Variants in PKP4 observed in about 807,000 individuals in gnomAD.
The protein encoded by PKP4 is plakophilin-4.
In PKP4, 90 loss-of-function variants were observed where a neutral mutation model predicts 145.1. The observed-to-expected ratio is 0.62, with a 90% CI of 0.52 to 0.74. The LOEUF is 0.74. Among genes scored for constraint, PKP4 ranks in the 30% least tolerant of loss-of-function variants. PKP4 has a pLI of 0.00. For synonymous variants in PKP4, 563 were observed against 577.2 expected (o/e 0.98, Z 0.35); for missense variants, 1,340 against 1,482.7 (o/e 0.90, Z 1.58).
At chr2:158,530,484 G>T (rs917874799) in intron 1 of PKP4, among the ~76,000 whole-genome samples, 3 of 142,966 alleles carry the variant, frequency 2.1e-5, no homozygotes, top group South Asian at 2.3e-4. Flanking sequence ...GTCTCTTTAC[G>T]ATAGAAGTAC....
intron 2 of PKP4, among the ~76,000 whole-genome samples, chr2:158,540,205 G>A (rs1295360660): frequency 6.6e-6 from 1 of 152,132 alleles, no homozygotes; most frequent in Admixed American, 6.6e-5. Context: ...TGTTCTCTTT[G>A]ATTTCATCGG....
intron 4 of PKP4, among the ~76,000 whole-genome samples, chr2:158,618,255 C>A (rs1252399931): frequency 6.6e-6 from 1 of 152,118 alleles, no homozygotes; most frequent in Non-Finnish European, 1.5e-5. Flanking sequence ...TTAAATAAAT[C>A]TTTTATTAAC....
At chr2:158,603,020 T>G in intron 3 of PKP4, 50 bp from the exon 4 acceptor site, 1 of 1,204,798 alleles carries the variant, frequency 8.3e-7, no homozygotes, top group Non-Finnish European at 1.2e-6. Context: ...TAAGCTAAAT[T>G]TTATGACAAA....
intron 4 of PKP4, among the ~76,000 whole-genome samples, chr2:158,615,653 T>C (rs935512433): frequency 5.9e-5 from 9 of 152,212 alleles, no homozygotes; most frequent in African/African-American, 2.2e-4. Flanking sequence ...CCAGGAGATC[T>C]CTTTTAGTTT....
At chr2:158,491,869 C>A (rs1319532764) in intron 1 of PKP4, among the ~76,000 whole-genome samples, 3 of 151,010 alleles carry the variant, frequency 2.0e-5, no homozygotes, top group Admixed American at 2.0e-4. Flanking sequence ...AAGTATGGCT[C>A]ACTGCAGCTT....
At chr2:158,468,155 G>A (rs1690949917) in intron 1 of PKP4, among the ~76,000 whole-genome samples, 1 of 152,164 alleles carries the variant, frequency 6.6e-6, no homozygotes, top group Admixed American at 6.5e-5. Flanking sequence ...TTGCTGCATT[G>A]AATCATAATT....
intron 8 of PKP4, among the ~76,000 whole-genome samples, chr2:158,632,840 A>G (rs1253327360): frequency 6.6e-6 from 1 of 152,220 alleles, no homozygotes; most frequent in Non-Finnish European, 1.5e-5. Flanking sequence ...ATTAATAAAG[A>G]AATATTTCGC....
At chr2:158,587,239 T>C (rs934288319) in intron 3 of PKP4, among the ~76,000 whole-genome samples, 2 of 152,154 alleles carry the variant, frequency 1.3e-5, no homozygotes, top group East Asian at 1.9e-4. Flanking sequence ...CTTTTAAAAA[T>C]TCAGAGGCCC....
chr2:158,533,242 G>A lies in PKP4; in HGVS notation c.58G>A (p.Glu20Lys), dbSNP rs747631648. Residue 20 changes from glutamate (E) to lysine (K), a missense_variant, in exon 2 of 22, where the codon GAA (glutamate) becomes AAA (lysine). Physicochemically the swap from Glu to Lys is moderately conservative, Grantham distance 56. Transcript: ENST00000389759. ...VEEGQPQTRQ[E>K]AASTGPGMEP... is the part of the protein sequence containing the mutation. ...GGAGGGGCAACCACAGACCCGCCAG[G>A]AAGCTGCCTCCACTGGCCCAGGCAT... 2.5e-6 allele frequency: 4 copies of A among 1,613,902 alleles called. No homozygotes were observed. Among genetic ancestry groups the A allele is most frequent in the Non-Finnish European group, 3.4e-6 (4 of 1,180,012 alleles).
intron 2 of PKP4, among the ~76,000 whole-genome samples, chr2:158,536,237 C>T (rs1388501825): frequency 1.3e-5 from 2 of 152,152 alleles, no homozygotes; most frequent in Admixed American, 6.5e-5. Flanking sequence ...ACTTTAAAAA[C>T]TTCATATTGA....
intron 8 of PKP4, 126 bp downstream of exon 8, chr2:158,632,067 G>A: frequency 1.3e-6 from 1 of 753,972 alleles, no homozygotes. Context: ...ATAAGCAGCT[G>A]TGACAGCAGA....
chr2:158,624,819 T>C, intron 6 of PKP4, 59 bp from the exon 7 acceptor site: 2 of 1,338,478 alleles, frequency 1.5e-6, no homozygotes, highest in Non-Finnish European at 1.0e-6. Flanking sequence ...TCTTTTGTAA[T>C]GGCAATGAAC....
At chr2:158,613,322 A>G (rs2051305725) in intron 4 of PKP4, among the ~76,000 whole-genome samples, 1 of 152,226 alleles carries the variant, frequency 6.6e-6, no homozygotes. Flanking sequence ...AAATAATCCT[A>G]GCTATTATGT....
At chr2:158,672,661 G>GTTCCATAGTCCAA (rs2057666006) in intron 17 of PKP4, among the ~76,000 whole-genome samples, 1 of 152,196 alleles carries the variant, frequency 6.6e-6, no homozygotes, top group Non-Finnish European at 1.5e-5. Flanking sequence ...GCTATTGCCT[G>GTTCCATAGTCCAA]TTCCATAGTC....
chr2:158,674,697 G>GT (rs2057856734), intron 19 of PKP4, among the ~76,000 whole-genome samples: 1 of 152,178 alleles, frequency 6.6e-6, no homozygotes, highest in African/African-American at 2.4e-5. Flanking sequence ...TTTTTTACAT[G>GT]TAAGGGCAGA....
At chr2:158,462,467 G>A (rs1689920875) in intron 1 of PKP4, among the ~76,000 whole-genome samples, 1 of 151,952 alleles carries the variant, frequency 6.6e-6, no homozygotes, top group Non-Finnish European at 1.5e-5. Flanking sequence ...CAACAAGGAA[G>A]TTGAATTTCT....
intron 2 of PKP4, among the ~76,000 whole-genome samples, chr2:158,546,835 C>T (rs1381848982): frequency 6.6e-6 from 1 of 152,080 alleles, no homozygotes; most frequent in Non-Finnish European, 1.5e-5. Context: ...ATTGGCTTCA[C>T]AGAGAGGCTA....
At chr2:158,555,883 T>C (rs954077844) in intron 2 of PKP4, among the ~76,000 whole-genome samples, 1 of 152,202 alleles carries the variant, frequency 6.6e-6, no homozygotes, top group Admixed American at 6.5e-5. Flanking sequence ...CAAGTCCAAG[T>C]ATAATCTACT....
intron 1 of PKP4, among the ~76,000 whole-genome samples, chr2:158,464,891 CTG>C (rs1443211233): frequency 1.3e-5 from 2 of 152,198 alleles, no homozygotes; most frequent in Non-Finnish European, 2.9e-5. Flanking sequence ...TGGAGTCCTG[CTG>C]TGTGTGCAGT....
Sources: allele counts gnomAD v4.1 joint callset (sites outside exome capture counted in the v4.1 genomes callset), GRCh38; gene constraint gnomAD v4.1.1; transcripts MANE v1.5; gene names NCBI Gene and HGNC (gene_info 2026-07-23, HGNC 2026-07-21).